Variants in TRPS1 observed in about 807,000 individuals in gnomAD.
TRPS1 encodes zinc finger transcription factor Trps1.
In TRPS1, 6 loss-of-function variants were observed where a neutral mutation model predicts 101.2. The ratio of observed to expected loss-of-function variants is 0.06; its 90% confidence interval spans 0.03 to 0.12. The LOEUF is 0.12. Among genes scored for constraint, TRPS1 ranks in the 10% least tolerant of loss-of-function variants. The probability of loss-of-function intolerance (pLI) is 1.00; values close to 1 mark genes in which losing one functional copy is unlikely to be tolerated. For synonymous variants in TRPS1, 578 were observed against 589.8 expected, an observed-to-expected ratio of 0.98 and a Z score of 0.29; for missense variants, 1,363 against 1,567.0, an observed-to-expected ratio of 0.87 and a Z score of 2.20.
At chr8:115,503,716 A>G (rs1815374073) in intron 5 of TRPS1, among the ~76,000 whole-genome samples, 1 of 152,250 alleles carries the variant, frequency 6.6e-6, no homozygotes, top group Admixed American at 6.5e-5. Context: ...GTATTCATGT[A>G]TTAACAAAGA....
rs1812746308 is a variant in TRPS1 at position 115,409,826 on chromosome 8, G to A, written c.*4197C>T. ...TTAGAATATTTAGTTTGATACTCAGGTTGCATTTCAATTCCTCAATTTTCT... is the reference window on the plus strand; with the variant it reads ...TTAGAATATTTAGTTTGATACTCAGATTGCATTTCAATTCCTCAATTTTCT... On this transcript the variant is annotated 3_prime_UTR_variant, in exon 7 of 7. Transcript: ENST00000395715. 6.6e-6 allele frequency: 1 copy of A among 152,320 alleles called. No individual in the cohort carries two copies. The highest frequency in any genetic ancestry group is 2.4e-5 in the African/African-American group (1 of 41,360). 9.4% of individuals were successfully genotyped at this position (152,320 alleles called of 1,614,324 possible).
At chr8:115,553,256 C>T (rs1816743695) in intron 5 of TRPS1, among the ~76,000 whole-genome samples, 1 of 151,588 alleles carries the variant, frequency 6.6e-6, no homozygotes, top group Admixed American at 6.6e-5. Flanking sequence ...TGAGATGTAA[C>T]CTTTACTTGG....
intron 1 of TRPS1, among the ~76,000 whole-genome samples, chr8:115,641,206 T>C (rs1005584430): frequency 5.9e-5 from 9 of 152,250 alleles, no homozygotes; most frequent in African/African-American, 1.9e-4. Flanking sequence ...CATATGGGAA[T>C]TGCTCTTTTC....
intron 5 of TRPS1, among the ~76,000 whole-genome samples, chr8:115,468,152 A>C (rs1440917723): frequency 3.3e-5 from 5 of 152,160 alleles, no homozygotes; most frequent in African/African-American, 1.2e-4. Context: ...CAAGTTCTAT[A>C]TATTTTTTAA....
chr8:115,418,323 T>G lies in TRPS1; in HGVS notation c.2823+7A>C. ...GCTTTTCCTGAAAGAGTGGAACAAG[T>G]TCTTACCGAGTGAAGCTTCTGGTAG... On this transcript the variant is annotated splice_region_variant and intron_variant, in intron 6 of 6. Transcript: ENST00000395715. This position sits in a 1 kb window ranked among gnomAD's most constrained non-coding sequence, Gnocchi z 4.3. 1 of 1,614,098 alleles carries G rather than the reference T, an allele frequency of 6.2e-7. No homozygotes were observed. The highest frequency in any genetic ancestry group is 1.1e-5 in the South Asian group (1 of 91,088).
At chr8:115,563,457 T>C (rs540549370) in intron 5 of TRPS1, among the ~76,000 whole-genome samples, 13 of 152,230 alleles carry the variant, frequency 8.5e-5, no homozygotes, top group African/African-American at 2.6e-4. Flanking sequence ...AAACCTAATA[T>C]AAAAGTCTCC....
At chr8:115,518,333 C>G (rs578157371) in intron 5 of TRPS1, among the ~76,000 whole-genome samples, 2 of 151,740 alleles carry the variant, frequency 1.3e-5, no homozygotes, top group Non-Finnish European at 2.9e-5. Flanking sequence ...AAAAACTATT[C>G]TCACTCTAGA....
chr8:115,565,491 TTTTTTTG>T (rs796090652), intron 5 of TRPS1, among the ~76,000 whole-genome samples: 1,115 of 75,836 alleles, frequency 0.015, 18 homozygotes, highest in African/African-American at 0.1. Flanking sequence ...GACAGGTTTT[TTTTTTTG>T]TTTTCTTTAT....
chr8:115,555,996 G>A (rs1469242773), intron 5 of TRPS1, among the ~76,000 whole-genome samples: 3 of 151,986 alleles, frequency 2.0e-5, no homozygotes, highest in Non-Finnish European at 4.4e-5. Flanking sequence ...CTGTATTCCA[G>A]CCTGGACGAC....
intron 5 of TRPS1, among the ~76,000 whole-genome samples, chr8:115,502,901 C>T (rs1405800148): frequency 6.6e-6 from 1 of 152,140 alleles, no homozygotes; most frequent in African/African-American, 2.4e-5. Context: ...GTCAAACTTT[C>T]TTGGTACACA....
At chr8:115,600,942 T>G (rs888909971) in intron 4 of TRPS1, among the ~76,000 whole-genome samples, 1 of 152,218 alleles carries the variant, frequency 6.6e-6, no homozygotes, top group South Asian at 2.1e-4. Flanking sequence ...TATAGGTAAA[T>G]ACTAAACATT....
intron 5 of TRPS1, among the ~76,000 whole-genome samples, chr8:115,474,911 T>C (rs2130031479): frequency 6.6e-6 from 1 of 152,014 alleles, no homozygotes; most frequent in South Asian, 2.1e-4. Flanking sequence ...GCTTCTCCCA[T>C]CAGTAAGAAA....
At chr8:115,483,090 C>T (rs553207020) in intron 5 of TRPS1, among the ~76,000 whole-genome samples, 1 of 152,182 alleles carries the variant, frequency 6.6e-6, no homozygotes, top group South Asian at 2.1e-4. Context: ...CTCATGTTTC[C>T]AGAACCTAAC....
intron 5 of TRPS1, among the ~76,000 whole-genome samples, chr8:115,481,002 C>A (rs1321709662): frequency 6.6e-6 from 1 of 151,956 alleles, no homozygotes; most frequent in African/African-American, 2.4e-5. Context: ...CTTCTTTTTA[C>A]CATTATAGAG....
chr8:115,585,359 T>C (rs1385112627), intron 5 of TRPS1, among the ~76,000 whole-genome samples: 1 of 152,116 alleles, frequency 6.6e-6, no homozygotes, highest in Non-Finnish European at 1.5e-5. Flanking sequence ...TTAGAGTATA[T>C]AAACAATGGC....
rs771686155 is a variant in TRPS1, at chr8:115,414,122, C to T, written c.3786G>A (p.Gln1262=). Reference sequence around the variant, plus strand: ...AGTCATATTTGTCCGTGCAAAGATGCTGGCATATGCTGCACTGGAAAGGTC... The same window carrying T: ...AGTCATATTTGTCCGTGCAAAGATGTTGGCATATGCTGCACTGGAAAGGTC... ...DSGPFQCSIC[Q]HLCTDKYDFT... Residue 1262 remains glutamine, a synonymous_variant, in exon 7 of 7, where the codon CAG becomes CAA. Coordinates refer to ENST00000395715, the MANE Select transcript of TRPS1 (RefSeq NM_014112.5). The surrounding 1 kb of genome is among the most constrained non-coding windows in gnomAD (Gnocchi z 4.8). 15 of 1,613,968 alleles carry T rather than the reference C, an allele frequency of 9.3e-6. No homozygotes were observed. The East Asian group carries it at 1.3e-4, about 14-fold the overall frequency.
intron 5 of TRPS1, among the ~76,000 whole-genome samples, chr8:115,533,304 C>G (rs1258932242): frequency 6.6e-6 from 1 of 152,094 alleles, no homozygotes; most frequent in Non-Finnish European, 1.5e-5. Flanking sequence ...AGTAGGAAAA[C>G]TAGTTCCAAT....
intron 1 of TRPS1, 158 bp downstream of exon 1, chr8:115,668,387 C>G (rs1377162667): frequency 8.9e-6 from 1 of 112,758 alleles, no homozygotes; most frequent in Non-Finnish European, 1.7e-5. Context: ...ACTTTTAATT[C>G]CCAGGGCTCC....
intron 5 of TRPS1, among the ~76,000 whole-genome samples, chr8:115,530,929 A>G (rs925811470): frequency 1.3e-5 from 2 of 151,422 alleles, no homozygotes; most frequent in Admixed American, 6.6e-5. Context: ...AGGGCCTGTC[A>G]TGGGGTGGGG....
Sources: allele counts gnomAD v4.1 joint callset (sites outside exome capture counted in the v4.1 genomes callset), GRCh38; gene constraint gnomAD v4.1.1; non-coding constraint Gnocchi (gnomAD v3.1); transcripts MANE v1.5; gene names NCBI Gene and HGNC (gene_info 2026-07-23, HGNC 2026-07-21).